ATF7IP2: variants seen among roughly 807,000 people sequenced by gnomAD.
ATF7IP2 encodes activating transcription factor 7-interacting protein 2.
A neutral mutation model predicts 64.2 loss-of-function variants in ATF7IP2; 42 were observed. The ratio of observed to expected loss-of-function variants is 0.65; its 90% CI spans 0.51 to 0.85. The LOEUF (loss-of-function observed/expected upper bound fraction) is 0.85, where lower values mean the gene tolerates loss of function less well. ATF7IP2 is among the 40% of genes least tolerant of loss of function. The pLI is 0.00. For missense variants in ATF7IP2, 933 were observed against 784.2 expected (o/e 1.19, Z -2.27); for synonymous variants, 308 against 272.8 (o/e 1.13, Z -1.27).
At chr16:10,394,940 A>G (rs942188494) in intron 1 of ATF7IP2, among the ~76,000 whole-genome samples, 9 of 152,146 alleles carry the variant, frequency 5.9e-5, no homozygotes, top group African/African-American at 1.4e-4. Flanking sequence ...AACTGGAACT[A>G]GAAGAACAAA....
chr16:10,481,373 C>T (rs1264120359), intron 13 of ATF7IP2, among the ~76,000 whole-genome samples: 2 of 39,280 alleles, frequency 5.1e-5, no homozygotes, highest in African/African-American at 1.4e-4. Flanking sequence ...TGGGATTTCC[C>T]GAGTAGCTGG....
intron 1 of ATF7IP2, among the ~76,000 whole-genome samples, chr16:10,404,111 A>G (rs1016516594): frequency 6.6e-6 from 1 of 152,226 alleles, no homozygotes; most frequent in Non-Finnish European, 1.5e-5. Flanking sequence ...ATGTTGCAAC[A>G]TGGATTTAAT....
At chr16:10,476,335 G>C (rs1038054280) in intron 12 of ATF7IP2, among the ~76,000 whole-genome samples, 1 of 152,110 alleles carries the variant, frequency 6.6e-6, no homozygotes, top group African/African-American at 2.4e-5. Context: ...TCATTTGGAG[G>C]ATTCATAAAA....
Position 10,430,765 on chromosome 16 carries a change from G to T in ATF7IP2, c.145G>T (p.Gly49Cys). ...AGCAATTGGGAGTAATGTTCCAAGC[G>T]GTAATCAGAGTTTCAGTCCTAGTGT... ...KTAIGSNVPS[G>C]NQSFSPSVIT... is the part of the protein sequence containing the mutation. Residue 49 changes from glycine (G) to cysteine (C), a missense_variant, in exon 5 of 14, where the codon GGT becomes TGT. Coordinates refer to ENST00000562102, the MANE Select transcript of ATF7IP2 (RefSeq NM_001393719.1). The T allele has an allele frequency of 6.2e-7, 1 of 1,611,454 alleles. No individual in the cohort carries two copies.
At chr16:10,433,392 C>G (rs550934018) in intron 5 of ATF7IP2, 133 bp from the exon 6 acceptor site, 3 of 717,064 alleles carry the variant, frequency 4.2e-6, no homozygotes, top group African/African-American at 3.6e-5. Flanking sequence ...CCAGGCTGGT[C>G]TTGAACTCCT....
chr16:10,410,166 G>T, intron 1 of ATF7IP2, among the ~76,000 whole-genome samples: 1 of 152,142 alleles, frequency 6.6e-6, no homozygotes, highest in Admixed American at 6.5e-5. Flanking sequence ...TCTTGGCAGT[G>T]TGGTCATTTT....
chr16:10,449,770 G>C (rs1022110040), intron 8 of ATF7IP2: 2 of 151,890 alleles, frequency 1.3e-5, no homozygotes, highest in African/African-American at 4.8e-5. Flanking sequence ...TGGATTCATT[G>C]ATTTTTTTGT....
intron 11 of ATF7IP2, 23 bp downstream of exon 11, chr16:10,473,557 G>A (rs759933335): frequency 6.9e-7 from 1 of 1,458,380 alleles, no homozygotes; most frequent in Non-Finnish European, 9.5e-7. Flanking sequence ...TATTGACTCT[G>A]AATATTGTTT....
At chr16:10,440,520 T>G in intron 8 of ATF7IP2, 58 bp downstream of exon 8, 1 of 965,420 alleles carries the variant, frequency 1.0e-6, no homozygotes, top group Non-Finnish European at 1.6e-6. Context: ...AGTGGTTTGA[T>G]TAGAAGAAAT....
intron 8 of ATF7IP2, among the ~76,000 whole-genome samples, chr16:10,452,975 G>A (rs1313448927): frequency 1.3e-5 from 2 of 152,140 alleles, no homozygotes; most frequent in African/African-American, 2.4e-5. Flanking sequence ...AGACTGCTGT[G>A]CTGGCAGCGA....
intron 2 of ATF7IP2, among the ~76,000 whole-genome samples, chr16:10,416,784 A>T (rs888031436): frequency 6.6e-6 from 1 of 152,144 alleles, no homozygotes; most frequent in Non-Finnish European, 1.5e-5. Context: ...GCAACAGAGC[A>T]AGACTCTGTC....
intron 1 of ATF7IP2, among the ~76,000 whole-genome samples, chr16:10,408,973 G>A (rs1256062000): frequency 6.6e-6 from 1 of 152,204 alleles, no homozygotes; most frequent in Non-Finnish European, 1.5e-5. Flanking sequence ...CAGCACTCGG[G>A]CAAAAGTTTT....
At chr16:10,412,311 T>C (rs143055677) in intron 1 of ATF7IP2, among the ~76,000 whole-genome samples, 1 of 152,196 alleles carries the variant, frequency 6.6e-6, no homozygotes, top group East Asian at 1.9e-4. Context: ...TTTAGGCATT[T>C]AGGGCTATGA....
chr16:10,409,873 A>T (rs7193140), intron 1 of ATF7IP2, among the ~76,000 whole-genome samples: 87,328 of 152,092 alleles, frequency 0.57, 25,286 homozygotes, highest in East Asian at 0.76. Context: ...GCTTTGTCAA[A>T]GCTCAGTTGA....
At chr16:10,459,533 G>A (rs1415635722) in intron 9 of ATF7IP2, among the ~76,000 whole-genome samples, 5 of 151,474 alleles carry the variant, frequency 3.3e-5, no homozygotes, top group Admixed American at 3.3e-4. Context: ...TGTAATTCCA[G>A]CTACTCGGGA....
chr16:10,451,768 G>T lies in ATF7IP2; in HGVS notation c.1195-5604G>T, dbSNP rs2048992582. Among the ~76,000 whole-genome samples the T allele has an allele frequency of 2.0e-5, 3 of 151,922 alleles. No homozygotes were observed. In the South Asian group the frequency reaches 6.2e-4, roughly 31 times the overall value. On this transcript the variant is annotated intron_variant, in intron 8 of 13. Transcript: ENST00000562102. ...GCTTCCTTGCATTGAGTTAGAAGAT[G>T]CTCCTTTAGGCTGGGTACACTGGCT...
Position 10,483,474 on chromosome 16 carries a change from G to T in ATF7IP2, c.*1225G>T, listed in dbSNP as rs765441840. On this transcript the variant is annotated 3_prime_UTR_variant, in exon 14 of 14. Coordinates refer to ENST00000562102, the MANE Select transcript of ATF7IP2 (RefSeq NM_001393719.1). Reference sequence around the variant, plus strand: ...GCAAACTTGAGCAAATAATTGGGATGATAAGAAACAAAAATAATCCCAACT... The same window carrying T: ...GCAAACTTGAGCAAATAATTGGGATTATAAGAAACAAAAATAATCCCAACT... 1.3e-5 allele frequency: 2 copies of T among 152,160 alleles called. No homozygotes were observed. The highest frequency in any genetic ancestry group is 2.4e-5 in the African/African-American group (1 of 41,440). The allele number at this position is 152,160 out of a possible 1,614,324, so 9.4% of individuals were successfully genotyped here. A position where few individuals can be genotyped will look rare whatever the true frequency, so the allele number is the denominator to read the frequency against.
intron 1 of ATF7IP2, among the ~76,000 whole-genome samples, chr16:10,398,760 G>C (rs950059471): frequency 3.9e-5 from 6 of 152,046 alleles, no homozygotes; most frequent in Non-Finnish European, 8.8e-5. Context: ...TTTTACAGCT[G>C]GGGGGTGGGG....
At chr16:10,441,572 A>G (rs2048623520) in intron 8 of ATF7IP2, among the ~76,000 whole-genome samples, 1 of 152,164 alleles carries the variant, frequency 6.6e-6, no homozygotes. Flanking sequence ...GTCTGTTCAT[A>G]TCCTTCGCCC....
Sources: gnomAD v4.1 joint callset for allele counts (sites outside exome capture counted in the v4.1 genomes callset) on GRCh38, gnomAD v4.1.1 for gene constraint, MANE v1.5 for transcripts, NCBI Gene and HGNC (gene_info 2026-07-23, HGNC 2026-07-21) for gene names.